NELL1: variants seen among roughly 807,000 people sequenced by gnomAD.
NELL1 encodes the protein protein kinase C-binding protein NELL1.
NELL1 carries 76 observed loss-of-function variants against 107.4 expected under a neutral mutation model. That is an observed-to-expected ratio of 0.71 (90% CI 0.59 to 0.86). The LOEUF is 0.86. NELL1 is among the 40% of genes least tolerant of loss of function. NELL1 has a pLI of 0.00. For missense variants in NELL1, 1,024 were observed against 1,005.5 expected (o/e 1.02, Z -0.25); for synonymous variants, 353 against 341.2 (o/e 1.03, Z -0.38).
intron 12 of NELL1, among the ~76,000 whole-genome samples, chr11:20,975,216 A>G (rs1851580954): frequency 6.6e-6 from 1 of 151,834 alleles, no homozygotes; most frequent in African/African-American, 2.4e-5. Context: ...GGGTTTCACC[A>G]TGTTGGTCAG....
intron 10 of NELL1, among the ~76,000 whole-genome samples, chr11:20,942,259 T>C (rs566886713): frequency 2.6e-5 from 4 of 152,310 alleles, no homozygotes; most frequent in African/African-American, 9.6e-5. Context: ...ACCTCCCTAT[T>C]TTGATTCCCA....
At chr11:21,206,657 G>A (rs75112338) in intron 13 of NELL1, among the ~76,000 whole-genome samples, 9,635 of 152,046 alleles carry the variant, frequency 0.063, 383 homozygotes, top group Non-Finnish European at 0.093. Context: ...ATCTGGACAG[G>A]GAGCCACAAC....
intron 2 of NELL1, among the ~76,000 whole-genome samples, chr11:20,689,425 TCCCTCCC>T (rs1854395220): frequency 8.5e-6 from 1 of 117,024 alleles, no homozygotes; most frequent in East Asian, 3.0e-4. Flanking sequence ...CCTAATGCTA[TCCCTCCC>T]CCCTCCCCCC....
chr11:20,679,343 T>C (rs1854137040), intron 2 of NELL1, among the ~76,000 whole-genome samples: 1 of 152,292 alleles, frequency 6.6e-6, no homozygotes, highest in South Asian at 2.1e-4. Flanking sequence ...TCTACGAAAA[T>C]GTCTGGCAGG....
intron 15 of NELL1, among the ~76,000 whole-genome samples, chr11:21,517,078 C>G (rs1005981358): frequency 6.6e-6 from 1 of 152,106 alleles, no homozygotes; most frequent in Non-Finnish European, 1.5e-5. Context: ...CATGAGCTAC[C>G]GCGCCCAGCC....
intron 14 of NELL1, among the ~76,000 whole-genome samples, chr11:21,324,745 A>G (rs1408933191): frequency 6.6e-6 from 1 of 152,070 alleles, no homozygotes; most frequent in Non-Finnish European, 1.5e-5. Flanking sequence ...TCAAAATATG[A>G]TTGTTCTCTC....
chr11:20,777,077 C>T (rs1856765126), intron 2 of NELL1, among the ~76,000 whole-genome samples: 1 of 152,200 alleles, frequency 6.6e-6, no homozygotes, highest in East Asian at 1.9e-4. Flanking sequence ...TTATATCAAG[C>T]ACTGAGATCA....
At chr11:21,008,262 A>G (rs1852372178) in intron 12 of NELL1, among the ~76,000 whole-genome samples, 1 of 152,136 alleles carries the variant, frequency 6.6e-6, no homozygotes. Flanking sequence ...ATTTTCAGCT[A>G]TACCTTAAGT....
chr11:21,329,396 C>G (rs945208837), intron 14 of NELL1, among the ~76,000 whole-genome samples: 2 of 152,124 alleles, frequency 1.3e-5, no homozygotes, highest in African/African-American at 4.8e-5. Flanking sequence ...TCATGCTGAA[C>G]TGTGAGTCAA....
At chr11:21,124,603 A>ATTTTT (rs35321090) in intron 13 of NELL1, among the ~76,000 whole-genome samples, 1 of 142,006 alleles carries the variant, frequency 7.0e-6, no homozygotes, top group African/African-American at 2.6e-5. Context: ...CTCACAGATG[A>ATTTTT]TTTTTTTTTT....
At chr11:20,944,474 G>A (rs17298600) in intron 10 of NELL1, among the ~76,000 whole-genome samples, 2,347 of 152,232 alleles carry the variant, frequency 0.015, 32 homozygotes, top group Admixed American at 0.022. Flanking sequence ...AGAAATTCAG[G>A]TTAGTGCACA....
chr11:21,552,297 A>T (rs979069266), intron 16 of NELL1, among the ~76,000 whole-genome samples: 1 of 151,712 alleles, frequency 6.6e-6, no homozygotes, highest in African/African-American at 2.4e-5. Flanking sequence ...TAATAATAAT[A>T]AAAAAGTTAA....
intron 14 of NELL1, among the ~76,000 whole-genome samples, chr11:21,353,200 G>C (rs1590862451): frequency 6.6e-6 from 1 of 152,160 alleles, no homozygotes; most frequent in East Asian, 1.9e-4. Flanking sequence ...GGTAAAAAAA[G>C]CAAATTCAGC....
rs1239320438 is a variant in NELL1, at chr11:21,264,070, G to GT, written c.1549+34616_1549+34617insT. ...GTTAGATGTCTGAAAGTCTACAATG[G>GT]GGTGTGTGTGTGTGTGTGTGTGTGT... On this transcript the variant is annotated intron_variant, in intron 14 of 19. Transcript: ENST00000357134. Among the ~76,000 whole-genome samples, 581 of 128,096 alleles carry GT rather than the reference G, an allele frequency of 4.5e-3. 7 individuals carry two copies. Among genetic ancestry groups the GT allele is most frequent in the Non-Finnish European group, 6.8e-3 (415 of 60,658 alleles). 84.0% of individuals were successfully genotyped at this position (128,096 alleles called of 152,430 possible).
chr11:20,985,875 A>T (rs548260504), intron 12 of NELL1, among the ~76,000 whole-genome samples: 1 of 152,302 alleles, frequency 6.6e-6, no homozygotes, highest in Admixed American at 6.5e-5. Flanking sequence ...ATGCACAAAA[A>T]TTATGACATT....
rs139413968 is a variant in NELL1, at chr11:20,762,042, T to G, written c.185-21638T>G. 9.1e-3 allele frequency among the ~76,000 whole-genome samples: 1,393 copies of G among 152,366 alleles called. 23 individuals carry two copies. Among genetic ancestry groups the G allele is most frequent in the African/African-American group, 0.031 (1,301 of 41,586 alleles). On this transcript the variant is annotated intron_variant, in intron 2 of 19. Coordinates refer to ENST00000357134, the MANE Select transcript of NELL1 (RefSeq NM_006157.5). Reference sequence around the variant, plus strand: ...ACCATCACATGAGTGATTTTTCCGATGTAAAGTTGCCCACTTTGTGGATTA... The same window carrying G: ...ACCATCACATGAGTGATTTTTCCGAGGTAAAGTTGCCCACTTTGTGGATTA...
intron 12 of NELL1, among the ~76,000 whole-genome samples, chr11:21,048,180 G>A (rs1030234066): frequency 2.6e-5 from 4 of 151,906 alleles, no homozygotes; most frequent in African/African-American, 7.3e-5. Context: ...GGAGCTATTG[G>A]TAGTTTTGAA....
intron 15 of NELL1, among the ~76,000 whole-genome samples, chr11:21,415,689 T>C (rs1852503416): frequency 6.6e-6 from 1 of 152,066 alleles, no homozygotes. Context: ...AATCACTTAA[T>C]TTGCAAGAGA....
intron 14 of NELL1, among the ~76,000 whole-genome samples, chr11:21,276,001 T>C (rs1222160382): frequency 1.3e-5 from 2 of 152,318 alleles, no homozygotes; most frequent in South Asian, 2.1e-4. Context: ...AAGACAGGGA[T>C]GCCGTCTCTC....
Sources: gnomAD v4.1 joint callset for allele counts (sites outside exome capture counted in the v4.1 genomes callset) on GRCh38, gnomAD v4.1.1 for gene constraint, MANE v1.5 for transcripts, NCBI Gene and HGNC (gene_info 2026-07-23, HGNC 2026-07-21) for gene names.